EVI5: variants seen among roughly 807,000 people sequenced by gnomAD.
EVI5 encodes ecotropic viral integration site 5, also known as ecotropic viral integration site 5 protein homolog.
In EVI5, 73 loss-of-function variants were observed where a neutral mutation model predicts 112.0. That is an observed-to-expected ratio of 0.65 (90% confidence interval 0.54 to 0.79). The LOEUF is 0.79. Among genes scored for constraint, EVI5 ranks in the 30% least tolerant of loss-of-function variants. The probability of loss-of-function intolerance (pLI) is 0.00; values close to 1 mark genes in which losing one functional copy is unlikely to be tolerated. For missense variants in EVI5, 900 were observed against 968.8 expected, an observed-to-expected ratio of 0.93 and a Z score of 0.94; for synonymous variants, 305 against 319.9, an observed-to-expected ratio of 0.95 and a Z score of 0.50.
At chr1:92,703,327 T>G (rs1322453293) in intron 4 of EVI5, 68 bp downstream of exon 4, 1 of 986,966 alleles carries the variant, frequency 1.0e-6, no homozygotes, top group Non-Finnish European at 1.5e-6. Context: ...TGCTTCATCA[T>G]GAAAAATGTA....
chr1:92,520,022 G>A lies in EVI5; in HGVS notation c.2167-6052C>T, dbSNP rs202131872. ...TTATAGAGACAGAAAGTAGATTAGT[G>A]GCTGCCTAGGACTGGGGGAGAGAAA... On this transcript the variant is annotated intron_variant, in intron 19 of 19. Transcript: ENST00000684568. 4.5e-4 allele frequency among the ~76,000 whole-genome samples: 68 copies of A among 152,140 alleles called. 2 individuals are homozygous for A. In the East Asian group the frequency reaches 8.1e-3, roughly 18 times the overall value.
chr1:92,682,471 A>G (rs1482472466), intron 9 of EVI5, among the ~76,000 whole-genome samples: 1 of 152,148 alleles, frequency 6.6e-6, no homozygotes, highest in Admixed American at 6.6e-5. Context: ...ATTAGAAACA[A>G]CAGTCTTCGG....
intron 19 of EVI5, among the ~76,000 whole-genome samples, chr1:92,526,463 G>A (rs1661898764): frequency 6.6e-6 from 1 of 152,214 alleles, no homozygotes; most frequent in Non-Finnish European, 1.5e-5. Flanking sequence ...AGAGAGCATG[G>A]TAGGTCTGAA....
At chr1:92,571,265 C>G (rs1054324590) in intron 18 of EVI5, among the ~76,000 whole-genome samples, 3 of 149,254 alleles carry the variant, frequency 2.0e-5, no homozygotes, top group African/African-American at 7.4e-5. Context: ...GATTAAGCAG[C>G]TCCAGGCTAT....
chr1:92,643,567 C>T (rs1480852788), intron 13 of EVI5, among the ~76,000 whole-genome samples: 1 of 152,044 alleles, frequency 6.6e-6, no homozygotes, highest in Non-Finnish European at 1.5e-5. Flanking sequence ...AGTCACTGTG[C>T]CTGGCCTTCA....
chr1:92,612,717 A>AAG (rs1652142612), intron 16 of EVI5, among the ~76,000 whole-genome samples: 1 of 111,576 alleles, frequency 9.0e-6, no homozygotes, highest in Admixed American at 9.1e-5. Context: ...CTCAAAAAAA[A>AAG]AAAAAAAGGA....
intron 1 of EVI5, among the ~76,000 whole-genome samples, chr1:92,739,301 A>C (rs1298603584): frequency 6.7e-6 from 1 of 149,466 alleles, no homozygotes; most frequent in African/African-American, 2.5e-5. Context: ...AAGCGAACAC[A>C]CTTTGAAAAT....
At chr1:92,639,424 G>T (rs185860996) in intron 13 of EVI5, among the ~76,000 whole-genome samples, 8 of 151,842 alleles carry the variant, frequency 5.3e-5, no homozygotes, top group African/African-American at 1.7e-4. Flanking sequence ...ATATTTGAAG[G>T]AAATAGGAGT....
rs971235834 is a variant in EVI5, at chr1:92,760,443, T to C, written c.-81-23816A>G. On this transcript the variant is annotated intron_variant, in intron 1 of 19. Transcript: ENST00000684568. ...TATACACTAAACAACAAAAGTTGGC[T>C]AAAAGAAGCGGGGCACAGTGGCTCA... 4.5e-4 allele frequency among the ~76,000 whole-genome samples: 69 copies of C among 152,214 alleles called. No homozygotes were observed. In the Middle Eastern group the frequency reaches 0.01, roughly 23 times the overall value.
intron 9 of EVI5, among the ~76,000 whole-genome samples, chr1:92,681,739 T>C (rs1667620939): frequency 6.6e-6 from 1 of 152,174 alleles, no homozygotes; most frequent in South Asian, 2.1e-4. Flanking sequence ...GACGAAAACG[T>C]GCTAGATCTG....
At chr1:92,533,041 G>A (rs536337537) in intron 19 of EVI5, among the ~76,000 whole-genome samples, 3 of 141,884 alleles carry the variant, frequency 2.1e-5, no homozygotes, top group South Asian at 2.2e-4. Flanking sequence ...TAGACCACTA[G>A]CCAGACTAAT....
At chr1:92,628,929 G>A (rs1042454769) in intron 14 of EVI5, among the ~76,000 whole-genome samples, 4 of 152,192 alleles carry the variant, frequency 2.6e-5, no homozygotes, top group African/African-American at 9.6e-5. Flanking sequence ...AAAAAAAGAG[G>A]ATGCTGCAGG....
chr1:92,609,875 T>C (rs1651355366), intron 16 of EVI5, among the ~76,000 whole-genome samples: 1 of 151,574 alleles, frequency 6.6e-6, no homozygotes, highest in South Asian at 2.1e-4. Flanking sequence ...CTCTCTCTCT[T>C]TTTTGTTTTT....
rs544685934 is a variant in EVI5 at position 92,608,327 on chromosome 1, C to T, written c.1828-600G>A. Among the ~76,000 whole-genome samples, 10 of 152,174 alleles carry T rather than the reference C, an allele frequency of 6.6e-5. No individual in the cohort carries two copies. In the South Asian group the frequency reaches 1.0e-3, roughly 16 times the overall value. On this transcript the variant is annotated intron_variant, in intron 16 of 19. Transcript: ENST00000684568. ...TGAAGGTATTCCTTTCTAAGATTGG[C>T]AATGGGAGTACAAAATGGATAGATA...
At chr1:92,625,715 C>T in intron 15 of EVI5, 79 bp downstream of exon 15, 1 of 1,238,692 alleles carries the variant, frequency 8.1e-7, no homozygotes, top group South Asian at 1.3e-5. Flanking sequence ...TATAGGTCAT[C>T]AGGTACTTCA....
At chr1:92,566,448 G>A (rs1400987739) in intron 18 of EVI5, among the ~76,000 whole-genome samples, 3 of 152,190 alleles carry the variant, frequency 2.0e-5, no homozygotes, top group Non-Finnish European at 4.4e-5. Context: ...TGGTGCTGGT[G>A]TAAAGAAATC....
chr1:92,599,220 CATTA>C (rs1179408358), intron 18 of EVI5, among the ~76,000 whole-genome samples: 2 of 151,774 alleles, frequency 1.3e-5, no homozygotes, highest in Non-Finnish European at 2.9e-5. Context: ...AGCAGGCTTT[CATTA>C]TATGAATAAC....
intron 2 of EVI5, among the ~76,000 whole-genome samples, chr1:92,728,112 T>C (rs1020241021): frequency 2.0e-5 from 3 of 151,902 alleles, no homozygotes; most frequent in Non-Finnish European, 2.9e-5. Flanking sequence ...TAATATAAGA[T>C]AAAGTAGATT....
At chr1:92,619,435 A>C (rs1246447810) in intron 16 of EVI5, among the ~76,000 whole-genome samples, 7 of 133,104 alleles carry the variant, frequency 5.3e-5, no homozygotes, top group Non-Finnish European at 1.1e-4. Flanking sequence ...TAATACTTGA[A>C]ATAAACTCCC....
Sources: gnomAD v4.1 joint callset for allele counts (sites outside exome capture counted in the v4.1 genomes callset) on GRCh38, gnomAD v4.1.1 for gene constraint, MANE v1.5 for transcripts, NCBI Gene and HGNC (gene_info 2026-07-23, HGNC 2026-07-21) for gene names.